Variants in SOCS7 observed in about 807,000 individuals in gnomAD.
SOCS7 encodes suppressor of cytokine signaling 7.
A neutral mutation model predicts 58.9 loss-of-function variants in SOCS7; 18 were observed. That is an observed-to-expected ratio of 0.31 (90% confidence interval 0.21 to 0.45). The LOEUF is 0.45. SOCS7 is among the 20% of genes least tolerant of loss of function. The pLI is 1.00. For missense variants in SOCS7, 667 were observed against 837.3 expected (o/e 0.80, Z 2.51); for synonymous variants, 388 against 364.3 (o/e 1.06, Z -0.74).
At chr17:38,395,160 A>C in intron 7 of SOCS7, 149 bp from the exon 8 acceptor site, 1 of 688,538 alleles carries the variant, frequency 1.5e-6, no homozygotes. Flanking sequence ...ATGGAAATCA[A>C]CAGCACTTTG....
At position 38,404,995 on chromosome 17, in the gene SOCS7, A is replaced by G. The variant is rs971857891; in HGVS notation, c.*5513A>G. On this transcript the variant is annotated 3_prime_UTR_variant, in exon 10 of 10. Transcript: ENST00000612932. ...GGGGTGGTTGCCAATTTTTCACCAG[A>G]AAGGGAGCCACCCCTTGCAACCACT... is the stretch of plus-strand genomic sequence containing the variant. 5.9e-5 allele frequency: 9 copies of G among 151,988 alleles called. No individual in the cohort carries two copies. Among genetic ancestry groups the G allele is most frequent in the African/African-American group, 2.2e-4 (9 of 41,334 alleles). 9.4% of individuals were successfully genotyped at this position (151,988 alleles called of 1,614,324 possible).
At chr17:38,395,268 T>C (rs1362187210) in intron 7 of SOCS7, 41 bp from the exon 8 acceptor site, 1 of 1,606,878 alleles carries the variant, frequency 6.2e-7, no homozygotes, top group South Asian at 1.1e-5. Flanking sequence ...GTTAGCTCCA[T>C]TGTTTCCTCT....
In SOCS7 at chr17:38,367,812, A is replaced by G. The variant is rs1001990509; in HGVS notation, c.1384-70A>G. ...ATGCAGAGGGTTCTCCCATGTTAAG[A>G]TAGATTGCACTGAAAACTTTGACAT... On this transcript the variant is annotated intron_variant, in intron 5 of 9. Transcript: ENST00000612932. The G allele has an allele frequency of 6.4e-6, 9 of 1,411,804 alleles. No individual in the cohort carries two copies. In the African/African-American group the frequency reaches 1.3e-4, roughly 20 times the overall value. 87.5% of individuals were successfully genotyped at this position (1,411,804 alleles called of 1,614,324 possible). A position where few individuals can be genotyped will look rare whatever the true frequency, so the allele number is the denominator to read the frequency against.
At chr17:38,387,127 A>ATGTG (rs1207391790) in intron 7 of SOCS7, among the ~76,000 whole-genome samples, 1 of 93,544 alleles carries the variant, frequency 1.1e-5, no homozygotes, top group African/African-American at 5.7e-5. Context: ...ATATATATAT[A>ATGTG]TGTATGTATA....
intron 6 of SOCS7, among the ~76,000 whole-genome samples, chr17:38,372,436 C>T (rs766162070): frequency 2.0e-5 from 3 of 152,142 alleles, no homozygotes; most frequent in East Asian, 3.8e-4. Context: ...GGTGTACTAC[C>T]GTAATATTTC....
intron 7 of SOCS7, among the ~76,000 whole-genome samples, chr17:38,387,133 G>GTGTATGTA (rs1269515665): frequency 1.4e-5 from 1 of 73,494 alleles, no homozygotes. Flanking sequence ...ATATATGTAT[G>GTGTATGTA]TATATATATA....
intron 2 of SOCS7, 29 bp downstream of exon 2, chr17:38,361,804 C>T (rs1555567643): frequency 6.5e-7 from 1 of 1,536,390 alleles, no homozygotes; most frequent in Non-Finnish European, 8.9e-7. Context: ...TCTCTTCTGA[C>T]ATCTGAAAAC....
At chr17:38,358,583 G>GTT (rs58125108) in intron 1 of SOCS7, among the ~76,000 whole-genome samples, 3 of 139,098 alleles carry the variant, frequency 2.2e-5, no homozygotes, top group East Asian at 2.1e-4. Flanking sequence ...CTTTGTTGTT[G>GTT]TTTTTTTTTT....
At chr17:38,367,617 A>G (rs112466884) in intron 5 of SOCS7, among the ~76,000 whole-genome samples, 98 of 152,092 alleles carry the variant, frequency 6.4e-4, no homozygotes, top group African/African-American at 2.3e-3. Flanking sequence ...CAAGTGATCC[A>G]CCCGCCTCAG....
chr17:38,362,513 G>A (rs1445126231), intron 2 of SOCS7, among the ~76,000 whole-genome samples: 1 of 152,180 alleles, frequency 6.6e-6, no homozygotes, highest in Non-Finnish European at 1.5e-5. Context: ...CATTGGTTGT[G>A]ACTGAGAAGC....
At chr17:38,357,530 G>A (rs1448261893) in intron 1 of SOCS7, among the ~76,000 whole-genome samples, 1 of 152,186 alleles carries the variant, frequency 6.6e-6, no homozygotes, top group African/African-American at 2.4e-5. Flanking sequence ...CTTTTCCCTG[G>A]AAGTTCCCTC....
At chr17:38,354,649 T>C (rs1251254826) in intron 1 of SOCS7, among the ~76,000 whole-genome samples, 1 of 152,216 alleles carries the variant, frequency 6.6e-6, no homozygotes, top group East Asian at 1.9e-4. Context: ...AACAGCTTTT[T>C]TTGTGGTAGG....
chr17:38,396,849 A>T (rs1345882129), intron 9 of SOCS7, among the ~76,000 whole-genome samples: 1 of 151,948 alleles, frequency 6.6e-6, no homozygotes, highest in Non-Finnish European at 1.5e-5. Flanking sequence ...GTAGATGTAC[A>T]GTCTCATCAT....
At position 38,352,429 on chromosome 17, in the gene SOCS7, C is replaced by T. The variant is rs1025581444; in HGVS notation, c.377C>T (p.Ala126Val). The change falls in exon 1 of 10, where the codon GCT becomes GTT. Residue 126 changes from alanine to valine, a missense_variant. This residue lies in a region of SOCS7 where 154 missense variants were observed against 156.3 expected (regional missense o/e 0.98). Transcript: ENST00000612932. This position sits in a 1 kb window ranked among gnomAD's most constrained non-coding sequence, Gnocchi z 5.5. ...PAAGLEAQLA[A>V]LGLGQPAGPG... ...GCTGGACTAGAGGCGCAGTTGGCGG[C>T]TCTGGGGCTCGGGCAGCCGGCGGGG... 1 of 1,455,614 alleles carries T rather than the reference C, an allele frequency of 6.9e-7. No individual in the cohort carries two copies. The highest frequency in any genetic ancestry group is 9.0e-7 in the Non-Finnish European group (1 of 1,108,438). The allele number at this position is 1,455,614 out of a possible 1,614,324, so 90.2% of individuals were successfully genotyped here.
At position 38,405,216 on chromosome 17, in the gene SOCS7, G is replaced by A. The variant is rs140974966; in HGVS notation, c.*5734G>A. 1 of 152,112 alleles carries A rather than the reference G, an allele frequency of 6.6e-6. No individual in the cohort carries two copies. The highest frequency in any genetic ancestry group is 1.5e-5 in the Non-Finnish European group (1 of 68,030). 9.4% of individuals were successfully genotyped at this position (152,112 alleles called of 1,614,324 possible). ...AGACTTGCAGGCCAATCTTAAATGG[G>A]GTGGGAGGGGTCTGAGGGTGGGATG... On this transcript the variant is annotated 3_prime_UTR_variant, in exon 10 of 10. Coordinates refer to ENST00000612932, the MANE Select transcript of SOCS7 (RefSeq NM_014598.4).
In SOCS7 at chr17:38,402,104, C is replaced by G. The variant is rs562368367; in HGVS notation, c.*2622C>G. 6.6e-6 allele frequency: 1 copy of G among 152,542 alleles called. No homozygotes were observed. The highest frequency in any genetic ancestry group is 2.1e-4 in the South Asian group (1 of 4,826). 9.4% of individuals were successfully genotyped at this position (152,542 alleles called of 1,614,324 possible). On this transcript the variant is annotated 3_prime_UTR_variant, in exon 10 of 10. Coordinates refer to ENST00000612932, the MANE Select transcript of SOCS7 (RefSeq NM_014598.4). ...CAACCTCACCACCCACCTTTCTCCTCCTGGGGAGTGTCGTGTTGAACTGTG... is the reference window on the plus strand; with the variant it reads ...CAACCTCACCACCCACCTTTCTCCTGCTGGGGAGTGTCGTGTTGAACTGTG...
chr17:38,398,532 C>T (rs2038274179), intron 9 of SOCS7, among the ~76,000 whole-genome samples: 1 of 152,106 alleles, frequency 6.6e-6, no homozygotes, highest in Non-Finnish European at 1.5e-5. Flanking sequence ...CAGGCATGAG[C>T]CACTGTGCCC....
At chr17:38,398,863 C>A (rs774894288) in intron 9 of SOCS7, among the ~76,000 whole-genome samples, 1 of 151,938 alleles carries the variant, frequency 6.6e-6, no homozygotes, top group East Asian at 1.9e-4. Context: ...GAGGCCAAGG[C>A]GGGCTCATCA....
chr17:38,398,505 C>T (rs943268656), intron 9 of SOCS7, among the ~76,000 whole-genome samples: 2 of 152,118 alleles, frequency 1.3e-5, no homozygotes, highest in African/African-American at 4.8e-5. Context: ...CCTTGGCCTC[C>T]CAAAGTTCTG....
Sources: allele counts gnomAD v4.1 joint callset (sites outside exome capture counted in the v4.1 genomes callset), GRCh38; gene constraint gnomAD v4.1.1; regional missense constraint gnomAD v4.1.1; non-coding constraint Gnocchi (gnomAD v3.1); transcripts MANE v1.5; gene names NCBI Gene and HGNC (gene_info 2026-07-23, HGNC 2026-07-21).